The following CHN2 variants were observed in gnomAD, a reference collection of about 807,000 sequenced individuals.
The protein encoded by CHN2 is chimerin 2.
Under a neutral mutation model 56.3 loss-of-function variants are expected in CHN2, and 35 were observed. That is an observed-to-expected ratio of 0.62 (90% CI 0.47 to 0.82). CHN2 has a LOEUF of 0.82. Ranked by LOEUF, CHN2 falls within the 40% of genes least tolerant of loss-of-function variation. The probability of loss-of-function intolerance (pLI) is 0.00; values close to 1 mark genes in which losing one functional copy is unlikely to be tolerated. For synonymous variants in CHN2, 210 were observed against 212.8 expected (o/e 0.99, Z 0.12); for missense variants, 491 against 580.5 (o/e 0.85, Z 1.58).
intron 2 of CHN2, among the ~76,000 whole-genome samples, chr7:29,158,155 G>A (rs1794680671): frequency 6.6e-6 from 1 of 152,190 alleles, no homozygotes; most frequent in Non-Finnish European, 1.5e-5. Context: ...TGGTAGGAAG[G>A]TTTCCTTAGA....
Position 29,398,454 on chromosome 7 carries a change from G to A in CHN2, c.258G>A (p.Gln86=). The A allele has an allele frequency of 6.2e-7, 1 of 1,613,474 alleles. No individual in the cohort carries two copies. Reference sequence around the variant, plus strand: ...GTGCCTACATCCTTAGAGAAAGCCAGCGGCAACCAGGATGCTACACGCTGG... The same window carrying A: ...GTGCCTACATCCTTAGAGAAAGCCAACGGCAACCAGGATGCTACACGCTGG... The part of the protein sequence containing the change: ...VEGAYILRES[Q]RQPGCYTLAL... The change falls in exon 5 of 13, where the codon CAG becomes CAA. Residue 86 remains glutamine (Q), a synonymous_variant. Transcript: ENST00000222792.
intron 6 of CHN2, among the ~76,000 whole-genome samples, chr7:29,405,193 A>ACACACACACT (rs1802543955): frequency 1.3e-5 from 2 of 148,888 alleles, no homozygotes; most frequent in African/African-American, 2.5e-5. Flanking sequence ...ACACACACAC[A>ACACACACACT]CACACACACA....
At chr7:29,344,409 C>G (rs117053295) in intron 1 of CHN2, among the ~76,000 whole-genome samples, 1 of 152,128 alleles carries the variant, frequency 6.6e-6, no homozygotes, top group Non-Finnish European at 1.5e-5. Context: ...AATTATCTGG[C>G]CCCTACTTAC....
chr7:29,244,451 A>C (rs1225255156), intron 1 of CHN2, among the ~76,000 whole-genome samples: 1 of 152,240 alleles, frequency 6.6e-6, no homozygotes, highest in Non-Finnish European at 1.5e-5. Flanking sequence ...GTCTTAAGGC[A>C]GCAAGGTGAG....
chr7:29,508,122 T>C (rs1790814237), intron 11 of CHN2, among the ~76,000 whole-genome samples: 1 of 152,170 alleles, frequency 6.6e-6, no homozygotes, highest in South Asian at 2.1e-4. Flanking sequence ...TATAATCCCA[T>C]TTTACAAAGA....
intron 6 of CHN2, among the ~76,000 whole-genome samples, chr7:29,476,124 C>A (rs1019782098): frequency 1.3e-5 from 2 of 152,196 alleles, no homozygotes; most frequent in Admixed American, 6.5e-5. Flanking sequence ...CTACCACTTA[C>A]CAGCTATGTG....
intron 6 of CHN2, among the ~76,000 whole-genome samples, chr7:29,463,851 G>C (rs1785359320): frequency 6.6e-6 from 1 of 152,224 alleles, no homozygotes; most frequent in African/African-American, 2.4e-5. Flanking sequence ...GTGCCCAGCA[G>C]TGGTGCCTCC....
At chr7:29,225,347 T>C (rs1786108562) in intron 1 of CHN2, among the ~76,000 whole-genome samples, 1 of 152,156 alleles carries the variant, frequency 6.6e-6, no homozygotes, top group Non-Finnish European at 1.5e-5. Flanking sequence ...AACTTTATTA[T>C]AGAGTAGTTG....
intron 1 of CHN2, among the ~76,000 whole-genome samples, chr7:29,315,807 A>G (rs535768277): frequency 2.6e-5 from 4 of 152,350 alleles, no homozygotes; most frequent in South Asian, 4.1e-4. Context: ...GGGAATACAG[A>G]TGATTTTTTT....
In CHN2 at chr7:29,450,339, C is replaced by T. The variant is rs111899236; in HGVS notation, c.577-29940C>T. ...CCTTACCTTGGCAAAAAGGTTTATG[C>T]AGATGTGATTACATTAAGAATCTTG... On this transcript the variant is annotated intron_variant, in intron 6 of 12. Transcript: ENST00000222792. Among the ~76,000 whole-genome samples, 448 of 152,308 alleles carry T rather than the reference C, an allele frequency of 2.9e-3. 3 individuals are homozygous for T. Among genetic ancestry groups the T allele is most frequent in the African/African-American group, 9.4e-3 (392 of 41,556 alleles).
chr7:29,464,963 G>T (rs1011731832), intron 6 of CHN2, among the ~76,000 whole-genome samples: 4 of 152,180 alleles, frequency 2.6e-5, no homozygotes, highest in Non-Finnish European at 5.9e-5. Flanking sequence ...AAAGCCGCCA[G>T]CCGTGTTTTC....
At position 29,267,221 on chromosome 7, in the gene CHN2, C is replaced by T. The variant is rs538717989; in HGVS notation, c.49+72231C>T. Reference sequence around the variant, plus strand: ...AACTCAGCGCCCTCTGTACATTAGGCACTAAGTGCATATTTCTTTTTTTTT... The same window carrying T: ...AACTCAGCGCCCTCTGTACATTAGGTACTAAGTGCATATTTCTTTTTTTTT... On this transcript the variant is annotated intron_variant, in intron 1 of 12. Transcript: ENST00000222792. Among the ~76,000 whole-genome samples the T allele has an allele frequency of 3.3e-5, 5 of 151,482 alleles. No individual in the cohort carries two copies. The East Asian group carries it at 9.7e-4, about 29-fold the overall frequency.
rs1341671401 is a variant in CHN2 at position 29,400,715 on chromosome 7, C to G, written c.463C>G (p.His155Asp). ...SKMTTNPIYE[H>D]IGYATLLREK... ...AATGACAACTAACCCCATCTATGAA[C>G]ACATTGGATATGCCACCCTACTCAG... Residue 155 changes from histidine (H) to aspartate (D), a missense_variant, in exon 6 of 13, where the codon CAC (histidine) becomes GAC (aspartate). By Grantham distance (81) the His-to-Asp change is moderately conservative. Transcript: ENST00000222792. 7 of 1,614,050 alleles carry G rather than the reference C, an allele frequency of 4.3e-6. No homozygotes were observed. The African/African-American group carries it at 9.3e-5, about 22-fold the overall frequency.
At chr7:29,219,671 A>C (rs1785617140) in intron 1 of CHN2, among the ~76,000 whole-genome samples, 1 of 152,252 alleles carries the variant, frequency 6.6e-6, no homozygotes. Flanking sequence ...AATGTTAGAA[A>C]TATATATACC....
intron 3 of CHN2, among the ~76,000 whole-genome samples, chr7:29,377,247 C>G (rs564289409): frequency 4.9e-4 from 74 of 152,328 alleles, no homozygotes; most frequent in African/African-American, 1.7e-3. Context: ...TGGTCTCAAA[C>G]TCCTTACATC....
intron 6 of CHN2, among the ~76,000 whole-genome samples, chr7:29,471,927 T>C (rs1786085127): frequency 6.6e-6 from 1 of 152,206 alleles, no homozygotes; most frequent in Non-Finnish European, 1.5e-5. Flanking sequence ...CGTTTAGTTA[T>C]ATGTCTTTGT....
At chr7:29,510,588 C>T (rs906856813) in intron 12 of CHN2, among the ~76,000 whole-genome samples, 4 of 152,184 alleles carry the variant, frequency 2.6e-5, no homozygotes, top group African/African-American at 7.2e-5. Flanking sequence ...AGGCAACCCT[C>T]AGTTCCTTGC....
chr7:29,504,459 G>A (rs915376080), intron 9 of CHN2, among the ~76,000 whole-genome samples: 1 of 152,146 alleles, frequency 6.6e-6, no homozygotes, highest in Non-Finnish European at 1.5e-5. Context: ...GTAAGGGAAC[G>A]GTCCATGGGA....
At chr7:29,509,564 C>T (rs894529289) in intron 12 of CHN2, 158 bp downstream of exon 12, 10 of 585,428 alleles carry the variant, frequency 1.7e-5, no homozygotes, top group Admixed American at 1.1e-4. Context: ...ATGAAAGGGG[C>T]GCCACTGTGA....
Sources: allele counts gnomAD v4.1 joint callset (sites outside exome capture counted in the v4.1 genomes callset), GRCh38; gene constraint gnomAD v4.1.1; transcripts MANE v1.5; gene names NCBI Gene and HGNC (gene_info 2026-07-23, HGNC 2026-07-21).